Variants in SGCZ observed in about 807,000 individuals in gnomAD.
SGCZ encodes sarcoglycan zeta.
In SGCZ, 40 loss-of-function variants were observed where a neutral mutation model predicts 41.3. That is an observed-to-expected ratio of 0.97 (90% CI 0.75 to 1.26). The LOEUF (loss-of-function observed/expected upper bound fraction) is 1.26, where lower values mean the gene tolerates loss of function less well. SGCZ is among the 50% of genes most tolerant of loss of function. The pLI is 0.00. For synonymous variants in SGCZ, 206 were observed against 137.5 expected (o/e 1.50, Z -3.49); for missense variants, 552 against 369.8 (o/e 1.49, Z -4.04).
intron 1 of SGCZ, among the ~76,000 whole-genome samples, chr8:15,174,598 T>C (rs1442081200): frequency 6.6e-6 from 1 of 152,216 alleles, no homozygotes; most frequent in Middle Eastern, 3.2e-3. Context: ...TGTTTAACTT[T>C]ACAAGATGGT....
chr8:14,678,898 G>C (rs961244947), intron 1 of SGCZ, among the ~76,000 whole-genome samples: 1 of 152,140 alleles, frequency 6.6e-6, no homozygotes, highest in Non-Finnish European at 1.5e-5. Flanking sequence ...GAAAACTTAA[G>C]TGCATATTAC....
intron 2 of SGCZ, among the ~76,000 whole-genome samples, chr8:14,537,282 G>C (rs747781856): frequency 1.3e-5 from 2 of 151,790 alleles, no homozygotes; most frequent in South Asian, 2.1e-4. Context: ...TCATTTTCAA[G>C]ACCAGGGTGG....
chr8:15,188,022 C>T (rs751318723), intron 1 of SGCZ, among the ~76,000 whole-genome samples: 1 of 151,888 alleles, frequency 6.6e-6, no homozygotes, highest in Non-Finnish European at 1.5e-5. Flanking sequence ...TATGTAACAA[C>T]TTACACATTA....
chr8:14,776,486 G>C (rs1779791327), intron 1 of SGCZ, among the ~76,000 whole-genome samples: 1 of 150,210 alleles, frequency 6.7e-6, no homozygotes, highest in African/African-American at 2.4e-5. Flanking sequence ...TTAGCAGTGT[G>C]AAATCAGACT....
At chr8:15,205,151 G>T (rs533828869) in intron 1 of SGCZ, among the ~76,000 whole-genome samples, 2 of 151,946 alleles carry the variant, frequency 1.3e-5, no homozygotes, top group African/African-American at 2.4e-5. Flanking sequence ...AACTATAAAA[G>T]CCCTGGAAAA....
intron 1 of SGCZ, among the ~76,000 whole-genome samples, chr8:14,924,060 A>G (rs1042669519): frequency 6.6e-6 from 1 of 152,220 alleles, no homozygotes; most frequent in African/African-American, 2.4e-5. Context: ...GGGGAGTTTC[A>G]TGGTTGTGAT....
chr8:15,127,878 C>G (rs1393140080), intron 1 of SGCZ, among the ~76,000 whole-genome samples: 2 of 152,150 alleles, frequency 1.3e-5, no homozygotes, highest in Non-Finnish European at 2.9e-5. Context: ...ATTTTTCAAG[C>G]CTTACAATCC....
intron 1 of SGCZ, among the ~76,000 whole-genome samples, chr8:14,886,028 T>TATAC (rs1554517464): frequency 9.1e-6 from 1 of 110,122 alleles, no homozygotes; most frequent in Non-Finnish European, 2.0e-5. Flanking sequence ...TATATATATA[T>TATAC]ATATATAAAA....
intron 1 of SGCZ, among the ~76,000 whole-genome samples, chr8:15,034,853 G>T (rs1028300750): frequency 6.6e-6 from 1 of 152,054 alleles, no homozygotes. Flanking sequence ...TATTGTATCT[G>T]GCAAAAATAT....
chr8:14,517,999 C>A (rs917479028), intron 2 of SGCZ, among the ~76,000 whole-genome samples: 1 of 151,492 alleles, frequency 6.6e-6, no homozygotes, highest in African/African-American at 2.4e-5. Flanking sequence ...GTTTATTGAA[C>A]GTGTATTTTG....
At chr8:14,479,528 T>C (rs1384821359) in intron 2 of SGCZ, among the ~76,000 whole-genome samples, 1 of 152,102 alleles carries the variant, frequency 6.6e-6, no homozygotes, top group Non-Finnish European at 1.5e-5. Context: ...TTCAATCCAA[T>C]CAAATTGACA....
At chr8:14,206,354 C>G (rs1440688563) in intron 4 of SGCZ, among the ~76,000 whole-genome samples, 1 of 152,114 alleles carries the variant, frequency 6.6e-6, no homozygotes, top group African/African-American at 2.4e-5. Context: ...TTATTTGGTA[C>G]TTTCACCTGT....
At chr8:14,141,291 CACA>C (rs1803362387) in intron 5 of SGCZ, among the ~76,000 whole-genome samples, 1 of 152,052 alleles carries the variant, frequency 6.6e-6, no homozygotes, top group South Asian at 2.1e-4. Context: ...CAAAAGCAAT[CACA>C]ACAAGAGCCA....
chr8:14,111,858 A>G (rs1449226566), intron 5 of SGCZ, among the ~76,000 whole-genome samples: 3 of 152,232 alleles, frequency 2.0e-5, no homozygotes, highest in African/African-American at 4.8e-5. Flanking sequence ...CGTTTAAGAC[A>G]TAAGCTAGGA....
intron 1 of SGCZ, among the ~76,000 whole-genome samples, chr8:14,928,957 T>C (rs550340787): frequency 2.0e-5 from 3 of 152,298 alleles, no homozygotes; most frequent in African/African-American, 7.2e-5. Context: ...ATGAAATTCA[T>C]GACTGCATTT....
At chr8:14,371,815 A>G (rs1257114586) in intron 2 of SGCZ, among the ~76,000 whole-genome samples, 1 of 152,142 alleles carries the variant, frequency 6.6e-6, no homozygotes, top group Non-Finnish European at 1.5e-5. Context: ...TATTTGTTGT[A>G]CACATGTATA....
chr8:14,839,321 T>A (rs1802818581), intron 1 of SGCZ, among the ~76,000 whole-genome samples: 1 of 152,128 alleles, frequency 6.6e-6, no homozygotes, highest in Admixed American at 6.6e-5. Context: ...TGCAATTTAC[T>A]GAGATGATGC....
rs1057456826 is a variant in SGCZ, at chr8:14,614,784, A to G, written c.40-59858T>C. ...AGTTAACATAAGTGGTGGGGGATAC[A>G]TTTGAAGCCCAGAGCATCTAATAAA... On this transcript the variant is annotated intron_variant, in intron 1 of 7. Coordinates refer to ENST00000382080, the MANE Select transcript of SGCZ (RefSeq NM_139167.4). Among the ~76,000 whole-genome samples, 2 of 152,208 alleles carry G rather than the reference A, an allele frequency of 1.3e-5. 1 individual carries two copies. Among genetic ancestry groups the G allele is most frequent in the East Asian group, 3.8e-4 (2 of 5,202 alleles).
At chr8:14,761,469 C>G (rs977723789) in intron 1 of SGCZ, among the ~76,000 whole-genome samples, 2 of 151,258 alleles carry the variant, frequency 1.3e-5, no homozygotes, top group African/African-American at 4.8e-5. Context: ...TTTGATCTAC[C>G]TGTAGACTCT....
Sources: allele counts gnomAD v4.1 joint callset (sites outside exome capture counted in the v4.1 genomes callset), GRCh38; gene constraint gnomAD v4.1.1; transcripts MANE v1.5; gene names NCBI Gene and HGNC (gene_info 2026-07-23, HGNC 2026-07-21).